The following SPOP variants were observed in gnomAD, a reference collection of about 807,000 sequenced individuals.
SPOP encodes speckle type BTB/POZ protein, also known as speckle-type POZ protein.
SPOP carries 11 observed loss-of-function variants against 45.6 expected under a neutral mutation model. The ratio of observed to expected loss-of-function variants is 0.24; its 90% CI spans 0.15 to 0.40. The LOEUF is 0.40. Ranked by LOEUF, SPOP falls within the 10% of genes least tolerant of loss-of-function variation. SPOP has a pLI of 1.00. For synonymous variants in SPOP, 166 were observed against 166.3 expected (o/e 1.00, Z 0.01); for missense variants, 152 against 465.6 (o/e 0.33, Z 6.20).
chr17:49,648,782 G>A (rs2072797490), intron 1 of SPOP, among the ~76,000 whole-genome samples: 1 of 151,934 alleles, frequency 6.6e-6, no homozygotes, highest in African/African-American at 2.4e-5. Flanking sequence ...TTTTTGAGAC[G>A]GAGTCTCACT....
chr17:49,600,116 A>G lies in SPOP; in HGVS notation c.*262T>C, dbSNP rs1290360318. 2.1e-6 allele frequency: 1 copy of G among 486,942 alleles called. No homozygotes were observed. The highest frequency in any genetic ancestry group is 3.7e-6 in the Non-Finnish European group (1 of 268,748). The allele number at this position is 486,942 out of a possible 1,614,324, so 30.2% of individuals were successfully genotyped here. ...CTGGGATATCCTCGGGCCAGCGCCT[A>G]AACTGAATCCCCACAGTATCAAACT... On this transcript the variant is annotated 3_prime_UTR_variant, in exon 10 of 10. Coordinates refer to ENST00000504102, the MANE Select transcript of SPOP (RefSeq NM_001007228.2). This position sits in a 1 kb window ranked among gnomAD's most constrained non-coding sequence, Gnocchi z 4.2.
chr17:49,627,677 GTTTAT>G (rs1161334342), intron 1 of SPOP, among the ~76,000 whole-genome samples: 1 of 152,108 alleles, frequency 6.6e-6, no homozygotes, highest in African/African-American at 2.4e-5. Flanking sequence ...TTAATAACTG[GTTTAT>G]TTTAATGCCT....
chr17:49,631,869 C>T (rs1597943795), intron 1 of SPOP, among the ~76,000 whole-genome samples: 1 of 152,192 alleles, frequency 6.6e-6, no homozygotes, highest in East Asian at 1.9e-4. Flanking sequence ...CCCTGACCAC[C>T]CAATCTGAAG....
At chr17:49,638,928 G>A (rs984003494) in intron 1 of SPOP, among the ~76,000 whole-genome samples, 17 of 152,318 alleles carry the variant, frequency 1.1e-4, no homozygotes, top group Middle Eastern at 3.4e-3. Context: ...CTGGAGAATC[G>A]CTTGAACCTG....
chr17:49,666,769 A>G (rs1335686975), intron 1 of SPOP, among the ~76,000 whole-genome samples: 2 of 152,192 alleles, frequency 1.3e-5, no homozygotes, highest in African/African-American at 4.8e-5. Flanking sequence ...CAGAGGTGGC[A>G]GTGAGCCAAG....
At chr17:49,611,692 CTCT>C (rs1453737996) in intron 5 of SPOP, among the ~76,000 whole-genome samples, 6 of 152,180 alleles carry the variant, frequency 3.9e-5, no homozygotes, top group African/African-American at 1.4e-4. Context: ...CCCCACAAAT[CTCT>C]TTTTCCCCCA....
rs907895744 is a variant in SPOP, at chr17:49,600,971, A to G, written c.981-449T>C. The stretch of plus-strand genomic sequence containing the variant: ...GGGGAGGATAACCATACTTCATTCA[A>G]TGGTTAATATCTCAAAAGCACCAAG... On this transcript the variant is annotated intron_variant, in intron 9 of 9. Transcript: ENST00000504102. This position sits in a 1 kb window ranked among gnomAD's most constrained non-coding sequence, Gnocchi z 4.2. 8 of 166,102 alleles carry G rather than the reference A, an allele frequency of 4.8e-5. No homozygotes were observed. The East Asian group carries it at 1.3e-3, about 27-fold the overall frequency. The allele number at this position is 166,102 out of a possible 1,614,324, so 10.3% of individuals were successfully genotyped here.
At chr17:49,614,584 G>A (rs1458439669) in intron 5 of SPOP, among the ~76,000 whole-genome samples, 1 of 152,124 alleles carries the variant, frequency 6.6e-6, no homozygotes, top group Non-Finnish European at 1.5e-5. Context: ...ATATTTTTAG[G>A]TTGAGTGGTG....
chr17:49,658,925 C>T (rs1177974187), intron 1 of SPOP, among the ~76,000 whole-genome samples: 2 of 152,316 alleles, frequency 1.3e-5, no homozygotes, highest in Non-Finnish European at 2.9e-5. Flanking sequence ...ACTTCCCAGA[C>T]ACCAACTTCT....
intron 1 of SPOP, among the ~76,000 whole-genome samples, chr17:49,670,574 A>G (rs1457025089): frequency 6.6e-6 from 1 of 152,242 alleles, no homozygotes; most frequent in East Asian, 1.9e-4. Flanking sequence ...GGAGTCTAAC[A>G]AAACATTTTT....
chr17:49,613,920 G>C (rs1322863660), intron 5 of SPOP, among the ~76,000 whole-genome samples: 1 of 152,074 alleles, frequency 6.6e-6, no homozygotes, highest in African/African-American at 2.4e-5. Context: ...ATTCAGAACT[G>C]CAGCTGTGAA....
chr17:49,632,890 A>G lies in SPOP; in HGVS notation c.-66-10014T>C, dbSNP rs896116704. On this transcript the variant is annotated intron_variant, in intron 1 of 9. Coordinates refer to ENST00000504102, the MANE Select transcript of SPOP (RefSeq NM_001007228.2). Reference sequence around the variant, plus strand: ...TGACACTGGGTTGGATTCTGGATGTATGGAGAAAAGATAACTAACATTTAT... The same window carrying G: ...TGACACTGGGTTGGATTCTGGATGTGTGGAGAAAAGATAACTAACATTTAT... Among the ~76,000 whole-genome samples the G allele has an allele frequency of 2.0e-5, 3 of 152,252 alleles. No homozygotes were observed. The East Asian group carries it at 5.8e-4, about 29-fold the overall frequency.
intron 6 of SPOP, among the ~76,000 whole-genome samples, chr17:49,610,195 A>G (rs577793205): frequency 6.6e-6 from 1 of 152,276 alleles, no homozygotes; most frequent in South Asian, 2.1e-4. Flanking sequence ...GACACTAACC[A>G]AAGAGTTATA....
intron 5 of SPOP, among the ~76,000 whole-genome samples, chr17:49,612,214 ATTT>A (rs2071989708): frequency 6.6e-6 from 1 of 152,218 alleles, no homozygotes; most frequent in East Asian, 1.9e-4. Context: ...AAAAGACGTT[ATTT>A]TAGTTAGGTC....
At position 49,616,315 on chromosome 17, in the gene SPOP, G is replaced by A. The variant is rs950053546; in HGVS notation, c.480+2666C>T. ...GCACCAGAATCCCTATGAAACAACT[G>A]TATTTATTGTATCAGGATGAGAATG... is the stretch of plus-strand genomic sequence containing the variant. On this transcript the variant is annotated intron_variant, in intron 5 of 9. Transcript: ENST00000504102. Among the ~76,000 whole-genome samples the A allele has an allele frequency of 1.8e-4, 28 of 152,118 alleles. 1 individual carries two copies. Among genetic ancestry groups the A allele is most frequent in the African/African-American group, 6.5e-4 (27 of 41,416 alleles).
In SPOP at chr17:49,599,741, CCTTCA is replaced by C. The variant is rs1323169779; in HGVS notation, c.*632_*636del. 2 of 203,990 alleles carry C rather than the reference CCTTCA, an allele frequency of 9.8e-6. No individual in the cohort carries two copies. Among genetic ancestry groups the C allele is most frequent in the South Asian group, 1.9e-4 (1 of 5,258 alleles). 12.6% of individuals were successfully genotyped at this position (203,990 alleles called of 1,614,324 possible). On this transcript the variant is annotated 3_prime_UTR_variant, in exon 10 of 10. Coordinates refer to ENST00000504102, the MANE Select transcript of SPOP (RefSeq NM_001007228.2). ...CAGATCAAATAACCTTCCCCTTTTG[CCTTCA>C]CTTGTCATTTTTCATAAAAGGATAA...
intron 1 of SPOP, among the ~76,000 whole-genome samples, chr17:49,656,932 A>G (rs1205286161): frequency 6.6e-6 from 1 of 152,196 alleles, no homozygotes; most frequent in African/African-American, 2.4e-5. Flanking sequence ...CTGTAATCCC[A>G]GCACTTTGGG....
intron 1 of SPOP, among the ~76,000 whole-genome samples, chr17:49,670,764 A>C (rs2073125752): frequency 1.3e-5 from 2 of 152,146 alleles, no homozygotes; most frequent in Admixed American, 1.3e-4. Flanking sequence ...ACTGTTCCAG[A>C]CCCTGAGTTA....
At chr17:49,633,308 C>G (rs938964120) in intron 1 of SPOP, among the ~76,000 whole-genome samples, 2 of 152,026 alleles carry the variant, frequency 1.3e-5, no homozygotes, top group African/African-American at 4.8e-5. Flanking sequence ...TGAAGATGAA[C>G]AAGAAGGTAC....
Sources: allele counts gnomAD v4.1 joint callset (sites outside exome capture counted in the v4.1 genomes callset), GRCh38; gene constraint gnomAD v4.1.1; non-coding constraint Gnocchi (gnomAD v3.1); transcripts MANE v1.5; gene names NCBI Gene and HGNC (gene_info 2026-07-23, HGNC 2026-07-21).